The following CCDC136 variants were observed in gnomAD, a reference collection of about 807,000 sequenced individuals.
CCDC136 encodes coiled-coil domain-containing protein 136.
Under a neutral mutation model 141.2 loss-of-function variants are expected in CCDC136, and 100 were observed. The observed-to-expected ratio is 0.71, with a 90% CI of 0.60 to 0.84. The LOEUF (loss-of-function observed/expected upper bound fraction) is 0.84, where lower values mean the gene tolerates loss of function less well. CCDC136 is among the 40% of genes least tolerant of loss of function. CCDC136 has a pLI of 0.00. For missense variants in CCDC136, 1,206 were observed against 1,379.4 expected (o/e 0.87, Z 1.99); for synonymous variants, 474 against 531.9 (o/e 0.89, Z 1.50).
Position 128,805,969 on chromosome 7 carries a change from G to T in CCDC136, c.1089+68G>T. On this transcript the variant is annotated intron_variant, in intron 7 of 17. Coordinates refer to ENST00000297788, the MANE Select transcript of CCDC136 (RefSeq NM_022742.5). The surrounding 1 kb of genome is among the most constrained non-coding windows in gnomAD (Gnocchi z 4.6). ...GCCTCATGGAGGGGCTGCTTCAACCGGGGTGGGCACAGTGAGTATGGCTGT... is the reference window on the plus strand; with the variant it reads ...GCCTCATGGAGGGGCTGCTTCAACCTGGGTGGGCACAGTGAGTATGGCTGT... The T allele has an allele frequency of 1.3e-6, 2 of 1,575,182 alleles. No individual in the cohort carries two copies. Among genetic ancestry groups the T allele is most frequent in the Non-Finnish European group, 1.7e-6 (2 of 1,150,154 alleles).
rs764059209 is a variant in CCDC136, at chr7:128,812,318, G to A, written c.2541+6G>A. ...CTGAGCCTGAAGACATGGAGGTAAT[G>A]GTTGCCAGGTGACAGGTCAGGCAGG... is the stretch of plus-strand genomic sequence containing the variant. On this transcript the variant is annotated splice_donor_region_variant and intron_variant, in intron 13 of 17. Coordinates refer to ENST00000297788, the MANE Select transcript of CCDC136 (RefSeq NM_022742.5). The A allele has an allele frequency of 1.2e-6, 2 of 1,608,254 alleles. No individual in the cohort carries two copies. The highest frequency in any genetic ancestry group is 2.7e-5 in the African/African-American group (2 of 74,974).
In CCDC136 at chr7:128,801,313, G is replaced by T. The variant is rs771202871; in HGVS notation, c.474G>T (p.Glu158Asp). 5 of 1,613,862 alleles carry T rather than the reference G, an allele frequency of 3.1e-6. No individual in the cohort carries two copies. The Admixed American group carries it at 5.0e-5, about 16-fold the overall frequency. Reference sequence around the variant, plus strand: ...TCCAGAGTCTGCGGCAAGCAGCAGAGGATTCCGCAACTGAACATGAGAGTG... The same window carrying T: ...TCCAGAGTCTGCGGCAAGCAGCAGATGATTCCGCAACTGAACATGAGAGTG... ...AEIQSLRQAA[E>D]DSATEHESDI... Residue 158 changes from glutamate (E) to aspartate (D), a missense_variant, in exon 4 of 18, where the codon GAG (glutamate) becomes GAT (aspartate). By Grantham distance (45) the Glu-to-Asp change is conservative. Transcript: ENST00000297788.
In CCDC136 at chr7:128,814,862, G is replaced by GA; in HGVS notation, c.2993dup (p.Val999GlyfsTer10). The stretch of plus-strand genomic sequence containing the variant: ...ACAAGAATGCCAATGGGGTTAAAAT[G>GA]AAAAAGGTGACCAAGCCATGCTCGG... On this transcript the variant is annotated frameshift_variant, in exon 15 of 18. Transcript: ENST00000297788. LOFTEE classifies it high-confidence loss of function. 1 of 1,607,350 alleles carries GA rather than the reference G, an allele frequency of 6.2e-7. No homozygotes were observed. The highest frequency in any genetic ancestry group is 1.1e-5 in the South Asian group (1 of 89,576).
At chr7:128,812,418 A>T in intron 13 of CCDC136, 106 bp downstream of exon 13, 1 of 1,240,682 alleles carries the variant, frequency 8.1e-7, no homozygotes, top group Non-Finnish European at 1.1e-6. Context: ...TGGGGTCAGA[A>T]CTGACCTGGG....
intron 4 of CCDC136, among the ~76,000 whole-genome samples, chr7:128,802,447 G>A (rs1804189976): frequency 6.6e-6 from 1 of 152,174 alleles, no homozygotes; most frequent in Non-Finnish European, 1.5e-5. Context: ...CAGTGGGAAG[G>A]CTTGGGCTGG....
At chr7:128,811,435 A>T (rs1206406071) in intron 12 of CCDC136, 4 of 454,914 alleles carry the variant, frequency 8.8e-6, no homozygotes, top group Non-Finnish European at 1.7e-5. Context: ...GAGGGGACTG[A>T]GCCTGAAGGT....
rs1478150014 is a variant in CCDC136 at position 128,792,042 on chromosome 7, C to G, written c.-370C>G. On this transcript the variant is annotated 5_prime_UTR_variant, in exon 1 of 18. Coordinates refer to ENST00000297788, the MANE Select transcript of CCDC136 (RefSeq NM_022742.5). ...CGCCCTCTTTCAGTCTTGGCCCTCT[C>G]CTCCCTGTCCCCCCGGACTAAATAC... 2.4e-6 allele frequency: 3 copies of G among 1,267,366 alleles called. No individual in the cohort carries two copies. The Admixed American group carries it at 1.2e-4, about 50-fold the overall frequency. The allele number at this position is 1,267,366 out of a possible 1,614,324, so 78.5% of individuals were successfully genotyped here.
Position 128,806,823 on chromosome 7 carries a change from GA to G in CCDC136, c.1385del (p.Asp462ValfsTer23). 1 of 1,612,308 alleles carries G rather than the reference GA, an allele frequency of 6.2e-7. No individual in the cohort carries two copies. Among genetic ancestry groups the G allele is most frequent in the Non-Finnish European group, 8.5e-7 (1 of 1,179,318 alleles). ...CHEAELQHLR[D>X]TVASFKESNE... ...TGAGGCAGAGCTGCAGCACCTCAGG[GA>G]TACGGTGGCCTCCTTCAAAGAGAGC... On this transcript the variant is annotated frameshift_variant, in exon 9 of 18. Coordinates refer to ENST00000297788, the MANE Select transcript of CCDC136 (RefSeq NM_022742.5). LOFTEE classifies it high-confidence loss of function.
intron 10 of CCDC136, chr7:128,808,485 G>A (rs1805211144): frequency 1.0e-6 from 1 of 985,324 alleles, no homozygotes; most frequent in Non-Finnish European, 1.2e-6. Context: ...TAAAATGCAA[G>A]CCGTTATCAT....
intron 17 of CCDC136, among the ~76,000 whole-genome samples, chr7:128,819,030 C>T (rs1807074970): frequency 6.6e-6 from 1 of 152,208 alleles, no homozygotes; most frequent in Admixed American, 6.5e-5. Flanking sequence ...CAAGCCTCCA[C>T]TTTTCTTCTT....
rs146597643 is a variant in CCDC136 at position 128,819,557 on chromosome 7, C to T, written c.*5+1693C>T. On this transcript the variant is annotated intron_variant, in intron 17 of 17. Coordinates refer to ENST00000297788, the MANE Select transcript of CCDC136 (RefSeq NM_022742.5). ...TACCCCATCATTAATAAAAAGAGCACGCACTTACAAAATGCAGTCTTATGT... is the reference window on the plus strand; with the variant it reads ...TACCCCATCATTAATAAAAAGAGCATGCACTTACAAAATGCAGTCTTATGT... Among the ~76,000 whole-genome samples, 30 of 152,264 alleles carry T rather than the reference C, an allele frequency of 2.0e-4. No homozygotes were observed. In the East Asian group the frequency reaches 5.0e-3, roughly 25 times the overall value.
chr7:128,801,525 A>G lies in CCDC136; in HGVS notation c.670+16A>G, dbSNP rs988201901. 1.9e-6 allele frequency: 3 copies of G among 1,555,550 alleles called. No homozygotes were observed. In the Admixed American group the frequency reaches 5.3e-5, roughly 27 times the overall value. On this transcript the variant is annotated intron_variant, in intron 4 of 17. Coordinates refer to ENST00000297788, the MANE Select transcript of CCDC136 (RefSeq NM_022742.5). ...GGGTTACAAGGTATGAGAGCCATCAAGTGGGTCAGTAAAGTCAAGCAGAGG... is the reference window on the plus strand; with the variant it reads ...GGGTTACAAGGTATGAGAGCCATCAGGTGGGTCAGTAAAGTCAAGCAGAGG...
At chr7:128,816,775 A>C (rs547587394) in intron 16 of CCDC136, among the ~76,000 whole-genome samples, 1 of 152,324 alleles carries the variant, frequency 6.6e-6, no homozygotes, top group South Asian at 2.1e-4. Flanking sequence ...GTAAGTCCTC[A>C]GCTTACATTA....
chr7:128,804,551 A>G (rs2128908384), intron 4 of CCDC136, 99 bp from the exon 5 acceptor site: 2 of 712,386 alleles, frequency 2.8e-6, no homozygotes, highest in East Asian at 5.6e-5. Flanking sequence ...GAAGCTCTTT[A>G]ACCTTCTGCT....
chr7:128,813,401 G>T lies in CCDC136; in HGVS notation c.2763+472G>T, dbSNP rs189900162. On this transcript the variant is annotated intron_variant, in intron 14 of 17. Transcript: ENST00000297788. ...GACAGAAGTCTTGTCTCTGGCCAGG[G>T]GTTCACGGTCCAGTGGGGGTCTCTT... is the stretch of plus-strand genomic sequence containing the variant. Among the ~76,000 whole-genome samples the T allele has an allele frequency of 2.7e-3, 416 of 152,256 alleles. 1 individual carries two copies. Among genetic ancestry groups the T allele is most frequent in the African/African-American group, 9.5e-3 (396 of 41,540 alleles).
Position 128,808,799 on chromosome 7 carries a change from A to T in CCDC136, c.1606-651A>T, listed in dbSNP as rs555269797. 23 of 985,360 alleles carry T rather than the reference A, an allele frequency of 2.3e-5. No individual in the cohort carries two copies. The African/African-American group carries it at 3.1e-4, about 13-fold the overall frequency. The allele number at this position is 985,360 out of a possible 1,614,324, so 61.0% of individuals were successfully genotyped here. A position where few individuals can be genotyped will look rare whatever the true frequency, so the allele number is the denominator to read the frequency against. On this transcript the variant is annotated intron_variant, in intron 10 of 17. Coordinates refer to ENST00000297788, the MANE Select transcript of CCDC136 (RefSeq NM_022742.5). Reference sequence around the variant, plus strand: ...GACTTGCTCGTCACCTCTTCCCCTAATGGGAAAAATGATGGGAAAGGAGAA... The same window carrying T: ...GACTTGCTCGTCACCTCTTCCCCTATTGGGAAAAATGATGGGAAAGGAGAA...
In CCDC136 at chr7:128,801,425, A is replaced by G; in HGVS notation, c.586A>G (p.Ile196Val). 1 of 1,613,474 alleles carries G rather than the reference A, an allele frequency of 6.2e-7. No homozygotes were observed. The highest frequency in any genetic ancestry group is 1.3e-5 in the African/African-American group (1 of 75,016). Residue 196 changes from isoleucine to valine, a missense_variant, in exon 4 of 18, where the codon ATC becomes GTC. Transcript: ENST00000297788. The part of the protein sequence containing the change: ...ERIRGDYEME[I>V]ASLRAEMEMK... ...CATTCGGGGAGATTATGAGATGGAG[A>G]TCGCCTCCCTCCGTGCAGAAATGGA...
rs138966292 is a variant in CCDC136 at position 128,814,889 on chromosome 7, T to C, written c.3015T>C (p.Asp1005=). ...KMKKVTKPCS[D]TSESDLETRK... is the part of the protein sequence containing the mutation. ...AAAAGGTGACCAAGCCATGCTCGGA[T>C]ACTTCTGAGAGCGACCTTGAGACCA... is the stretch of plus-strand genomic sequence containing the variant. The change falls in exon 15 of 18, where the codon GAT becomes GAC. Residue 1005 remains aspartate (D), a synonymous_variant. Transcript: ENST00000297788. 1 of 1,604,052 alleles carries C rather than the reference T, an allele frequency of 6.2e-7. No individual in the cohort carries two copies.
Position 128,822,053 on chromosome 7 carries a change from G to A in CCDC136, c.*260G>A, listed in dbSNP as rs1807500289. On this transcript the variant is annotated 3_prime_UTR_variant, in exon 18 of 18. Coordinates refer to ENST00000297788, the MANE Select transcript of CCDC136 (RefSeq NM_022742.5). ...TCAGTCACCCAGGCTGAAAAGGCTTGTGGGGAGCGGCTGACTTCCATCTCC... is the reference window on the plus strand; with the variant it reads ...TCAGTCACCCAGGCTGAAAAGGCTTATGGGGAGCGGCTGACTTCCATCTCC... The A allele has an allele frequency of 1.7e-6, 2 of 1,194,194 alleles. No individual in the cohort carries two copies. The highest frequency in any genetic ancestry group is 2.1e-6 in the Non-Finnish European group (2 of 942,346). The allele number at this position is 1,194,194 out of a possible 1,614,324, so 74.0% of individuals were successfully genotyped here. A position where few individuals can be genotyped will look rare whatever the true frequency, so the allele number is the denominator to read the frequency against.
Sources: allele counts gnomAD v4.1 joint callset (sites outside exome capture counted in the v4.1 genomes callset), GRCh38; gene constraint gnomAD v4.1.1; non-coding constraint Gnocchi (gnomAD v3.1); transcripts MANE v1.5; gene names NCBI Gene and HGNC (gene_info 2026-07-23, HGNC 2026-07-21).